CACNB4: variants seen among roughly 807,000 people sequenced by gnomAD.
CACNB4 encodes calcium voltage-gated channel auxiliary subunit beta 4.
Under a neutral mutation model 71.2 loss-of-function variants are expected in CACNB4, and 32 were observed. The observed-to-expected ratio is 0.45, with a 90% CI of 0.34 to 0.60. The LOEUF is 0.60. CACNB4 is among the 20% of genes least tolerant of loss of function. The pLI is 0.01. For missense variants in CACNB4, 464 were observed against 647.9 expected (o/e 0.72, Z 3.08); for synonymous variants, 231 against 236.9 (o/e 0.97, Z 0.23).
chr2:151,878,388 A>G (rs185665533), intron 4 of CACNB4, among the ~76,000 whole-genome samples: 1 of 152,268 alleles, frequency 6.6e-6, no homozygotes, highest in East Asian at 1.9e-4. Flanking sequence ...TGCATACTAT[A>G]TGAGTGGCAT....
chr2:151,840,511 A>G (rs2099835894), intron 13 of CACNB4, among the ~76,000 whole-genome samples: 1 of 152,240 alleles, frequency 6.6e-6, no homozygotes, highest in Non-Finnish European at 1.5e-5. Context: ...GTAATGTACA[A>G]TTCAGAGCCA....
intron 2 of CACNB4, among the ~76,000 whole-genome samples, chr2:151,889,164 T>C (rs546291410): frequency 1.7e-3 from 259 of 152,308 alleles, no homozygotes; most frequent in South Asian, 3.9e-3. Context: ...TGGTGTAAAT[T>C]TGGCATTTTA....
chr2:151,883,404 T>G, intron 2 of CACNB4, 34 bp from the exon 3 acceptor site: 1 of 1,611,972 alleles, frequency 6.2e-7, no homozygotes, highest in Non-Finnish European at 8.5e-7. Flanking sequence ...TCAGATGATG[T>G]GTAGCTTCTT....
At chr2:151,920,315 CTTCT>C (rs1411413213) in intron 2 of CACNB4, among the ~76,000 whole-genome samples, 24 of 81,052 alleles carry the variant, frequency 3.0e-4, no homozygotes, top group Non-Finnish European at 3.6e-4. Flanking sequence ...TCTTCTTCTT[CTTCT>C]TTTTTTTTTT....
chr2:152,049,277 G>C (rs1331123933), intron 2 of CACNB4, among the ~76,000 whole-genome samples: 1 of 151,396 alleles, frequency 6.6e-6, no homozygotes, highest in African/African-American at 2.4e-5. Context: ...CAATTCTCTT[G>C]CCCCAGCCAC....
upstream of CACNB4, chr2:152,099,079 T>C (rs544603789): frequency 1.3e-5 from 14 of 1,109,130 alleles, no homozygotes; most frequent in Admixed American, 3.3e-5. Context: ...GAGGCTGGGC[T>C]GCGGACGGAG....
At chr2:151,933,138 G>C (rs2099862037) in intron 2 of CACNB4, among the ~76,000 whole-genome samples, 1 of 150,834 alleles carries the variant, frequency 6.6e-6, no homozygotes, top group African/African-American at 2.4e-5. Context: ...GATATATTAG[G>C]CTGGTGCAAA....
chr2:151,937,280 AG>A (rs2099863145), intron 2 of CACNB4, among the ~76,000 whole-genome samples: 1 of 152,182 alleles, frequency 6.6e-6, no homozygotes, highest in Non-Finnish European at 1.5e-5. Context: ...TGCCAGTCCC[AG>A]GGTCAAGCTC....
chr2:152,032,736 C>T (rs1684352157), intron 2 of CACNB4, among the ~76,000 whole-genome samples: 1 of 151,998 alleles, frequency 6.6e-6, no homozygotes, highest in Non-Finnish European at 1.5e-5. Flanking sequence ...GAGGTTGAGG[C>T]AGGAAGATTA....
At chr2:151,947,993 G>A (rs561724578) in intron 2 of CACNB4, among the ~76,000 whole-genome samples, 1 of 152,324 alleles carries the variant, frequency 6.6e-6, no homozygotes, top group African/African-American at 2.4e-5. Flanking sequence ...AGGCCTTCAA[G>A]AAGCCAATGA....
intron 6 of CACNB4, chr2:151,871,201 G>C (rs2099844544): frequency 1.1e-5 from 3 of 265,464 alleles, no homozygotes; most frequent in Admixed American, 5.0e-5. Flanking sequence ...AGTGTTGCTG[G>C]GAACAAGGTA....
intron 2 of CACNB4, among the ~76,000 whole-genome samples, chr2:152,093,374 G>A (rs1688084791): frequency 6.7e-6 from 1 of 149,468 alleles, no homozygotes; most frequent in African/African-American, 2.5e-5. Flanking sequence ...TATACTATTG[G>A]CACTGAATTT....
At chr2:151,881,591 C>G (rs1260083373) in intron 3 of CACNB4, among the ~76,000 whole-genome samples, 1 of 152,226 alleles carries the variant, frequency 6.6e-6, no homozygotes, top group Non-Finnish European at 1.5e-5. Context: ...GGTGCTGCCA[C>G]CCAAATTCGG....
chr2:151,872,353 T>C (rs1578558543), intron 6 of CACNB4, 64 bp downstream of exon 6: 2 of 881,376 alleles, frequency 2.3e-6, no homozygotes, highest in South Asian at 1.5e-5. Flanking sequence ...ACTACTTGCA[T>C]GTGTGTTCAA....
At chr2:151,892,736 C>T (rs2099851031) in intron 2 of CACNB4, among the ~76,000 whole-genome samples, 1 of 152,134 alleles carries the variant, frequency 6.6e-6, no homozygotes, top group Non-Finnish European at 1.5e-5. Flanking sequence ...GAGTTCCTAG[C>T]ACAAAGCTTC....
intron 2 of CACNB4, among the ~76,000 whole-genome samples, chr2:151,952,610 G>A (rs961531262): frequency 7.9e-5 from 12 of 152,144 alleles, no homozygotes; most frequent in African/African-American, 1.2e-4. Context: ...GCCTTAGAAC[G>A]CTAGAGGCTC....
chr2:152,061,081 G>A (rs1685987128), intron 2 of CACNB4, among the ~76,000 whole-genome samples: 1 of 152,162 alleles, frequency 6.6e-6, no homozygotes, highest in South Asian at 2.1e-4. Flanking sequence ...GCTCAGGTGG[G>A]AGGATCTCTT....
At chr2:152,097,740 G>A (rs1029872114) in intron 2 of CACNB4, among the ~76,000 whole-genome samples, 1 of 152,156 alleles carries the variant, frequency 6.6e-6, no homozygotes, top group African/African-American at 2.4e-5. Flanking sequence ...CTGAGTGCTG[G>A]CCTTCGTTAA....
At chr2:151,924,329 C>T (rs764447069) in intron 2 of CACNB4, among the ~76,000 whole-genome samples, 7 of 151,450 alleles carry the variant, frequency 4.6e-5, no homozygotes, top group Non-Finnish European at 1.0e-4. Flanking sequence ...CTGCCCGCCT[C>T]GCCCTCCCAA....
Sources: allele counts gnomAD v4.1 joint callset (sites outside exome capture counted in the v4.1 genomes callset), GRCh38; gene constraint gnomAD v4.1.1; transcripts MANE v1.5; gene names NCBI Gene and HGNC (gene_info 2026-07-23, HGNC 2026-07-21).